The following CCDC136 variants were observed in gnomAD, a reference collection of about 807,000 sequenced individuals.
The protein encoded by CCDC136 is coiled-coil domain containing 136, also known as coiled-coil domain-containing protein 136.
In CCDC136, 100 loss-of-function variants were observed where a neutral mutation model predicts 141.2. The observed-to-expected ratio is 0.71, with a 90% CI of 0.60 to 0.84. The LOEUF is 0.84. CCDC136 is among the 40% of genes least tolerant of loss of function. The probability of loss-of-function intolerance (pLI) is 0.00; values close to 1 mark genes in which losing one functional copy is unlikely to be tolerated. For missense variants in CCDC136, 1,206 were observed against 1,379.4 expected (o/e 0.87, Z 1.99); for synonymous variants, 474 against 531.9 (o/e 0.89, Z 1.50).
At chr7:128,813,081 C>T (rs1356676705) in intron 14 of CCDC136, among the ~76,000 whole-genome samples, 152 bp downstream of exon 14, 1 of 152,168 alleles carries the variant, frequency 6.6e-6, no homozygotes, top group Non-Finnish European at 1.5e-5. Flanking sequence ...TGACATTTCC[C>T]AAGTGCCCGT....
chr7:128,806,764 G>A lies in CCDC136; in HGVS notation c.1325G>A (p.Arg442Gln), dbSNP rs757442341. 17 of 1,611,142 alleles carry A rather than the reference G, an allele frequency of 1.1e-5. No individual in the cohort carries two copies. Among genetic ancestry groups the A allele is most frequent in the Middle Eastern group, 1.8e-4 (1 of 5,568 alleles). Residue 442 changes from arginine (R) to glutamine (Q), a missense_variant, in exon 9 of 18, where the codon CGG (arginine) becomes CAG (glutamine). Arg to Gln is a conservative substitution (Grantham distance 43). Coordinates refer to ENST00000297788, the MANE Select transcript of CCDC136 (RefSeq NM_022742.5). ...VTCEKEKLLE[R>Q]QQQLQEELQC... ...TGTGAGAAGGAAAAGCTGCTGGAAC[G>A]GCAGCAGCAGCTGCAGGAGGAGCTG...
intron 17 of CCDC136, among the ~76,000 whole-genome samples, chr7:128,819,287 A>T (rs1296096985): frequency 6.6e-6 from 1 of 152,226 alleles, no homozygotes; most frequent in Non-Finnish European, 1.5e-5. Context: ...AGGCCCCAAC[A>T]TGCACCTGTG....
At chr7:128,811,035 G>A (rs1286797294) in intron 12 of CCDC136, among the ~76,000 whole-genome samples, 2 of 152,324 alleles carry the variant, frequency 1.3e-5, no homozygotes, top group South Asian at 2.1e-4. Flanking sequence ...AGGGTTGGGG[G>A]ATAAAGTTGT....
rs1346263050 is a variant in CCDC136 at position 128,794,738 on chromosome 7, G to A, written c.316G>A (p.Val106Met). 3 of 1,551,726 alleles carry A rather than the reference G, an allele frequency of 1.9e-6. No individual in the cohort carries two copies. The highest frequency in any genetic ancestry group is 2.6e-6 in the Non-Finnish European group (3 of 1,146,992). ...GCTAGCCAGCGCCCAGCAGGCAGAGGTGTTCACCAAGCAGATCCAGCAGCT... is the reference window on the plus strand; with the variant it reads ...GCTAGCCAGCGCCCAGCAGGCAGAGATGTTCACCAAGCAGATCCAGCAGCT... Reference protein sequence around the residue: ...ERLASAQQAEVFTKQIQQLQG... With the variant: ...ERLASAQQAEMFTKQIQQLQG... The change falls in exon 3 of 18, where the codon GTG becomes ATG. Residue 106 changes from valine to methionine, a missense_variant. Val to Met is a conservative substitution (Grantham distance 21). Coordinates refer to ENST00000297788, the MANE Select transcript of CCDC136 (RefSeq NM_022742.5). The surrounding 1 kb of genome is among the most constrained non-coding windows in gnomAD (Gnocchi z 4.3).
intron 17 of CCDC136, among the ~76,000 whole-genome samples, chr7:128,820,561 G>A (rs924672129): frequency 7.9e-5 from 12 of 152,138 alleles, no homozygotes; most frequent in Non-Finnish European, 1.6e-4. Context: ...AGGCATCTGA[G>A]CATATAAATA....
chr7:128,813,465 A>G (rs546459428), intron 14 of CCDC136, among the ~76,000 whole-genome samples: 63 of 152,256 alleles, frequency 4.1e-4, no homozygotes, highest in Non-Finnish European at 7.8e-4. Flanking sequence ...CAGCGAACAC[A>G]TGGGTCCAGA....
chr7:128,820,356 C>T (rs905321591), intron 17 of CCDC136, among the ~76,000 whole-genome samples: 5 of 152,218 alleles, frequency 3.3e-5, no homozygotes, highest in Non-Finnish European at 5.9e-5. Context: ...GGTGATTTGT[C>T]ACTTAGGTCA....
Position 128,794,479 on chromosome 7 carries a change from G to A in CCDC136, c.148G>A (p.Gly50Arg). Reference sequence around the variant, plus strand: ...CTCTCTGTCAGTCAACAAGCACCGGGGACTGAGCCTCACGGAGACAGAGCT... The same window carrying A: ...CTCTCTGTCAGTCAACAAGCACCGGAGACTGAGCCTCACGGAGACAGAGCT... ...VGSLSVNKHR[G>R]LSLTETELEE... The change falls in exon 2 of 18, where the codon GGA becomes AGA. Residue 50 changes from glycine (G) to arginine (R), a missense_variant. Coordinates refer to ENST00000297788, the MANE Select transcript of CCDC136 (RefSeq NM_022742.5). This position sits in a 1 kb window ranked among gnomAD's most constrained non-coding sequence, Gnocchi z 4.3. 2 of 1,552,246 alleles carry A rather than the reference G, an allele frequency of 1.3e-6. No individual in the cohort carries two copies. Among genetic ancestry groups the A allele is most frequent in the South Asian group, 2.4e-5 (2 of 84,066 alleles).
chr7:128,807,709 C>T (rs1031096334), intron 10 of CCDC136, 164 bp downstream of exon 10: 3 of 445,382 alleles, frequency 6.7e-6, no homozygotes, highest in Non-Finnish European at 1.2e-5. Flanking sequence ...TTTGCCCTGA[C>T]CTTGACTTTG....
rs956764927 is a variant in CCDC136 at position 128,809,528 on chromosome 7, A to G, written c.1684A>G (p.Met562Val). The G allele has an allele frequency of 3.9e-6, 6 of 1,556,442 alleles. No individual in the cohort carries two copies. Among genetic ancestry groups the G allele is most frequent in the Non-Finnish European group, 4.3e-6 (5 of 1,150,564 alleles). ...ASQKEMGQLQ[M>V]EQCELLEDQR... ...CCAGAAGGAGATGGGGCAGCTGCAGATGGAGCAGTGTGAGCTCCTGGAGGA... is the reference window on the plus strand; with the variant it reads ...CCAGAAGGAGATGGGGCAGCTGCAGGTGGAGCAGTGTGAGCTCCTGGAGGA... Residue 562 changes from methionine (M) to valine (V), a missense_variant, in exon 11 of 18, where the codon ATG (methionine) becomes GTG (valine). Transcript: ENST00000297788.
At chr7:128,806,579 G>T in intron 8 of CCDC136, 109 bp from the exon 9 acceptor site, 1 of 1,177,108 alleles carries the variant, frequency 8.5e-7, no homozygotes, top group East Asian at 2.6e-5. Flanking sequence ...AGGAAGTGAA[G>T]GGCAGGAAGA....
At chr7:128,809,746 C>G (rs1805432051) in intron 11 of CCDC136, 102 bp downstream of exon 11, 1 of 862,242 alleles carries the variant, frequency 1.2e-6, no homozygotes. Flanking sequence ...AACTTTTTCT[C>G]TTACCAACCA....
At position 128,821,859 on chromosome 7, in the gene CCDC136, G is replaced by A. The variant is rs1033356481; in HGVS notation, c.*66G>A. The A allele has an allele frequency of 8.5e-6, 11 of 1,290,170 alleles. No individual in the cohort carries two copies. In the African/African-American group the frequency reaches 1.4e-4, roughly 16 times the overall value. 79.9% of individuals were successfully genotyped at this position (1,290,170 alleles called of 1,614,324 possible). A position where few individuals can be genotyped will look rare whatever the true frequency, so the allele number is the denominator to read the frequency against. ...GGCTATTGCAGCTGTGGCTCTGTAT[G>A]TGTTACCCAACATGCGACAGCAGGA... On this transcript the variant is annotated 3_prime_UTR_variant, in exon 18 of 18. Coordinates refer to ENST00000297788, the MANE Select transcript of CCDC136 (RefSeq NM_022742.5). This position sits in a 1 kb window ranked among gnomAD's most constrained non-coding sequence, Gnocchi z 5.1.
At chr7:128,804,893 T>A (rs1804598781) in intron 5 of CCDC136, 132 bp downstream of exon 5, 1 of 616,964 alleles carries the variant, frequency 1.6e-6, no homozygotes, top group Admixed American at 2.9e-5. Flanking sequence ...CTTTCCATGG[T>A]TTCCAAAGGA....
At chr7:128,808,415 C>A (rs370584033) in intron 10 of CCDC136, 1 of 875,766 alleles carries the variant, frequency 1.1e-6, no homozygotes, top group Non-Finnish European at 1.4e-6. Flanking sequence ...TTCCTTTTAG[C>A]AGTAAATCCT....
intron 9 of CCDC136, 139 bp from the exon 10 acceptor site, chr7:128,807,221 G>T: frequency 2.1e-6 from 1 of 487,800 alleles, no homozygotes. Flanking sequence ...GGTCCATCTT[G>T]GGTATCTATC....
chr7:128,798,588 A>G (rs1411433672), intron 3 of CCDC136, among the ~76,000 whole-genome samples: 1 of 151,984 alleles, frequency 6.6e-6, no homozygotes, highest in Non-Finnish European at 1.5e-5. Context: ...AGCACCTAAG[A>G]GAGAGTTGAA....
At position 128,821,837 on chromosome 7, in the gene CCDC136, T is replaced by G. The variant is rs1807474178; in HGVS notation, c.*44T>G. ...TGTGGAAGCCTATGGTATTCTTGGC[T>G]ATTGCAGCTGTGGCTCTGTATGTGT... On this transcript the variant is annotated 3_prime_UTR_variant, in exon 18 of 18. Coordinates refer to ENST00000297788, the MANE Select transcript of CCDC136 (RefSeq NM_022742.5). The surrounding 1 kb of genome is among the most constrained non-coding windows in gnomAD (Gnocchi z 5.1). 1 of 1,290,298 alleles carries G rather than the reference T, an allele frequency of 7.8e-7. No homozygotes were observed. Among genetic ancestry groups the G allele is most frequent in the Non-Finnish European group, 1.0e-6 (1 of 989,010 alleles). 79.9% of individuals were successfully genotyped at this position (1,290,298 alleles called of 1,614,324 possible). A position where few individuals can be genotyped will look rare whatever the true frequency, so the allele number is the denominator to read the frequency against.
At chr7:128,803,078 TC>T (rs1199809405) in intron 4 of CCDC136, among the ~76,000 whole-genome samples, 1 of 152,250 alleles carries the variant, frequency 6.6e-6, no homozygotes, top group African/African-American at 2.4e-5. Context: ...TGTTGAATCT[TC>T]CAGCAGGTAA....
Sources: allele counts gnomAD v4.1 joint callset (sites outside exome capture counted in the v4.1 genomes callset), GRCh38; gene constraint gnomAD v4.1.1; non-coding constraint Gnocchi (gnomAD v3.1); transcripts MANE v1.5; gene names NCBI Gene and HGNC (gene_info 2026-07-23, HGNC 2026-07-21).